The following RYR3 variants were observed in gnomAD, a reference collection of about 807,000 sequenced individuals.
RYR3 encodes the protein brain ryanodine receptor-calcium release channel.
RYR3 carries 207 observed loss-of-function variants against 584.3 expected under a neutral mutation model. That is an observed-to-expected ratio of 0.35 (90% CI 0.32 to 0.40). The LOEUF (loss-of-function observed/expected upper bound fraction) is 0.40. Among genes scored for constraint, RYR3 ranks in the 10% least tolerant of loss-of-function variants. RYR3 has a pLI of 1.00. For missense variants in RYR3, 5,616 were observed against 6,089.2 expected, an observed-to-expected ratio of 0.92 and a Z score of 2.59; for synonymous variants, 2,416 against 2,248.5, an observed-to-expected ratio of 1.07 and a Z score of -2.11.
chr15:33,585,702 A>G (rs771045290), intron 15 of RYR3, among the ~76,000 whole-genome samples: 2 of 152,204 alleles, frequency 1.3e-5, no homozygotes, highest in Non-Finnish European at 2.9e-5. Context: ...ATTTTATTTT[A>G]TAGCTGCTTC....
chr15:33,591,808 AG>A (rs2059144116), intron 16 of RYR3, among the ~76,000 whole-genome samples: 1 of 152,210 alleles, frequency 6.6e-6, no homozygotes, highest in African/African-American at 2.4e-5. Context: ...CAGGAATCAA[AG>A]GTTTAGCCTG....
chr15:33,732,742 A>G (rs572575793), intron 48 of RYR3, among the ~76,000 whole-genome samples: 31 of 152,328 alleles, frequency 2.0e-4, no homozygotes, highest in African/African-American at 7.0e-4. Context: ...ATCCGAGCCC[A>G]AAAAGTCAAA....
intron 62 of RYR3, 26 bp downstream of exon 62, chr15:33,769,198 A>G (rs1347209726): frequency 1.3e-6 from 2 of 1,553,466 alleles, no homozygotes; most frequent in Non-Finnish European, 1.8e-6. Flanking sequence ...TTTTCCCAAT[A>G]GTTTCTCATG....
intron 36 of RYR3, among the ~76,000 whole-genome samples, chr15:33,668,333 A>T (rs1036134953): frequency 2.0e-5 from 3 of 152,074 alleles, no homozygotes; most frequent in Non-Finnish European, 4.4e-5. Context: ...ACAAACAAAC[A>T]AACAAAAAAA....
At chr15:33,400,547 G>A (rs1389220407) in intron 1 of RYR3, among the ~76,000 whole-genome samples, 2 of 152,204 alleles carry the variant, frequency 1.3e-5, no homozygotes, top group South Asian at 2.1e-4. Flanking sequence ...AGAGGGCTGA[G>A]TTCTATCACT....
intron 31 of RYR3, among the ~76,000 whole-genome samples, chr15:33,650,438 G>A (rs977890585): frequency 1.4e-4 from 21 of 152,120 alleles, no homozygotes; most frequent in Non-Finnish European, 2.6e-4. Context: ...GTTCTTAGGG[G>A]TATGACATTG....
intron 7 of RYR3, among the ~76,000 whole-genome samples, chr15:33,543,348 A>G (rs2055977316): frequency 6.6e-6 from 1 of 152,082 alleles, no homozygotes; most frequent in Non-Finnish European, 1.5e-5. Flanking sequence ...TTTGATTTTT[A>G]ATGATATCAA....
chr15:33,418,585 A>G (rs1406610381), intron 1 of RYR3, among the ~76,000 whole-genome samples: 1 of 152,072 alleles, frequency 6.6e-6, no homozygotes, highest in Non-Finnish European at 1.5e-5. Context: ...AGTTGGAGAA[A>G]CTGGACTTTA....
At chr15:33,704,118 A>G (rs547309523) in intron 42 of RYR3, among the ~76,000 whole-genome samples, 27 of 152,146 alleles carry the variant, frequency 1.8e-4, no homozygotes, top group Admixed American at 5.9e-4. Context: ...AAAAAGAAAT[A>G]CAAAAGTTAG....
chr15:33,863,753 A>G (rs1236568525), intron 102 of RYR3, among the ~76,000 whole-genome samples: 5 of 152,128 alleles, frequency 3.3e-5, no homozygotes, highest in African/African-American at 7.3e-5. Flanking sequence ...ATTAATTTCA[A>G]TTCAATTCTA....
intron 3 of RYR3, among the ~76,000 whole-genome samples, chr15:33,519,703 C>G (rs2053822643): frequency 6.6e-6 from 1 of 151,822 alleles, no homozygotes; most frequent in African/African-American, 2.4e-5. Context: ...TTGAGGGCCA[C>G]TTTTCTAGAA....
rs995086273 is a variant in RYR3, at chr15:33,837,820, C to A, written c.11840C>A (p.Ala3947Asp). ...ATCTCCAAAAAAGAATTCCAGAAGGCCATGGAAGGGCAAAAACAGTACACG... is the reference window on the plus strand; with the variant it reads ...ATCTCCAAAAAAGAATTCCAGAAGGACATGGAAGGGCAAAAACAGTACACG... ...GIISKKEFQKAMEGQKQYTQS... is the reference protein window; with the variant it reads ...GIISKKEFQKDMEGQKQYTQS... Residue 3947 changes from alanine to aspartate, a missense_variant, in exon 89 of 104, where the codon GCC becomes GAC. Coordinates refer to ENST00000634891, the MANE Select transcript of RYR3 (RefSeq NM_001036.6). 4 of 1,613,838 alleles carry A rather than the reference C, an allele frequency of 2.5e-6. No homozygotes were observed. The African/African-American group carries it at 5.3e-5, about 22-fold the overall frequency.
chr15:33,555,674 G>C (rs2057022303), intron 10 of RYR3, among the ~76,000 whole-genome samples: 1 of 152,182 alleles, frequency 6.6e-6, no homozygotes, highest in South Asian at 2.1e-4. Context: ...AGACCAGGAA[G>C]ATGACCTGGT....
intron 38 of RYR3, among the ~76,000 whole-genome samples, chr15:33,695,892 C>G (rs942085715): frequency 3.3e-5 from 5 of 150,794 alleles, no homozygotes; most frequent in African/African-American, 4.9e-5. Context: ...CTCAAGCAGT[C>G]CTCCCACCTC....
chr15:33,571,709 C>CT (rs1382097814), intron 12 of RYR3, among the ~76,000 whole-genome samples: 12 of 152,152 alleles, frequency 7.9e-5, no homozygotes, highest in African/African-American at 2.9e-4. Context: ...AAGTGTGTCC[C>CT]TTGTAGACAA....
chr15:33,862,521 G>T (rs761373414), intron 102 of RYR3, among the ~76,000 whole-genome samples: 5 of 152,154 alleles, frequency 3.3e-5, no homozygotes, highest in Non-Finnish European at 5.9e-5. Context: ...TCTTTCTTTA[G>T]GCTAGAGCAG....
chr15:33,742,235 T>G, intron 51 of RYR3, 131 bp from the exon 52 acceptor site: 1 of 681,778 alleles, frequency 1.5e-6, no homozygotes, highest in South Asian at 1.7e-5. Context: ...GGAGTCCAGC[T>G]TTAGCTTTGG....
intron 1 of RYR3, among the ~76,000 whole-genome samples, chr15:33,404,554 C>A (rs79410227): frequency 0.071 from 10,582 of 150,036 alleles, 435 homozygotes; most frequent in African/African-American, 0.1. Context: ...ACCTGTTTAT[C>A]ATTTTAAATG....
intron 1 of RYR3, among the ~76,000 whole-genome samples, chr15:33,433,113 A>G (rs1596111323): frequency 6.6e-6 from 1 of 152,144 alleles, no homozygotes; most frequent in East Asian, 1.9e-4. Flanking sequence ...TCTCCAAATC[A>G]TTGTTATCTG....
Sources: allele counts gnomAD v4.1 joint callset (sites outside exome capture counted in the v4.1 genomes callset), GRCh38; gene constraint gnomAD v4.1.1; transcripts MANE v1.5; gene names NCBI Gene and HGNC (gene_info 2026-07-23, HGNC 2026-07-21).